Variants in LPIN1 observed in about 807,000 individuals in gnomAD.
The protein encoded by LPIN1 is phosphatidate phosphatase LPIN1.
A neutral mutation model predicts 107.5 loss-of-function variants in LPIN1; 71 were observed. The ratio of observed to expected loss-of-function variants is 0.66; its 90% CI spans 0.55 to 0.80. The LOEUF is 0.80. Among genes scored for constraint, LPIN1 ranks in the 30% least tolerant of loss-of-function variants. The probability of loss-of-function intolerance (pLI) is 0.00; values close to 1 mark genes in which losing one functional copy is unlikely to be tolerated. For missense variants in LPIN1, 1,043 were observed against 1,160.6 expected (o/e 0.90, Z 1.47); for synonymous variants, 445 against 452.6 (o/e 0.98, Z 0.21).
intron 1 of LPIN1, among the ~76,000 whole-genome samples, chr2:11,749,178 C>T (rs927210604): frequency 1.3e-5 from 2 of 152,166 alleles, no homozygotes; most frequent in African/African-American, 2.4e-5. Context: ...CGTTCAGTGA[C>T]GTCACAGGTT....
At chr2:11,696,349 A>G (rs956964419) in intron 1 of LPIN1, among the ~76,000 whole-genome samples, 12 of 152,050 alleles carry the variant, frequency 7.9e-5, no homozygotes, top group African/African-American at 1.4e-4. Context: ...GGTGCAGTTC[A>G]TGCCAGAATC....
At chr2:11,767,625 C>G in intron 2 of LPIN1, 138 bp from the exon 3 acceptor site, 1 of 711,282 alleles carries the variant, frequency 1.4e-6, no homozygotes, top group Non-Finnish European at 2.6e-6. Flanking sequence ...ATGGGACGGC[C>G]TGACTGAGAC....
intron 1 of LPIN1, chr2:11,713,640 G>T: frequency 1.6e-6 from 1 of 614,662 alleles, no homozygotes; most frequent in Non-Finnish European, 2.8e-6. Flanking sequence ...AATTCACCAT[G>T]TTCAAAATGT....
At chr2:11,715,190 C>T (rs142646360) in intron 2 of LPIN1, among the ~76,000 whole-genome samples, 25 of 152,304 alleles carry the variant, frequency 1.6e-4, no homozygotes, top group African/African-American at 5.1e-4. Flanking sequence ...GAGGCGGCCT[C>T]GGGCAGCTTC....
At chr2:11,710,776 T>C (rs1027987416) in intron 1 of LPIN1, among the ~76,000 whole-genome samples, 1 of 152,196 alleles carries the variant, frequency 6.6e-6, no homozygotes, top group Non-Finnish European at 1.5e-5. Context: ...AGGTTCATTT[T>C]TGGCTTCCAC....
In LPIN1 at chr2:11,826,854, C is replaced by T. The variant is rs756312135; in HGVS notation, c.*2063C>T. The T allele has an allele frequency of 1.3e-5, 2 of 152,302 alleles. No individual in the cohort carries two copies. Among genetic ancestry groups the T allele is most frequent in the Non-Finnish European group, 2.9e-5 (2 of 68,040 alleles). 9.4% of individuals were successfully genotyped at this position (152,302 alleles called of 1,614,324 possible). A position where few individuals can be genotyped will look rare whatever the true frequency, so the allele number is the denominator to read the frequency against. ...TGTACCTTAAACTTCCACATCACTG[C>T]ACCCTGAAACAGAGCATGCTTTCCA... On this transcript the variant is annotated 3_prime_UTR_variant, in exon 21 of 21. Coordinates refer to ENST00000674199, the MANE Select transcript of LPIN1 (RefSeq NM_001349206.2).
At chr2:11,752,929 G>A (rs1432622553) in intron 1 of LPIN1, among the ~76,000 whole-genome samples, 1 of 152,144 alleles carries the variant, frequency 6.6e-6, no homozygotes, top group Admixed American at 6.6e-5. Context: ...TAATCGTGAG[G>A]CAAGAAACCA....
rs375615756 is a variant in LPIN1 at position 11,824,691 on chromosome 2, C to T, written c.2681C>T (p.Ser894Phe). The change falls in exon 21 of 21, where the codon TCT becomes TTT. Residue 894 changes from serine (S) to phenylalanine (F), a missense_variant. Ser to Phe is a radical substitution (Grantham distance 155). Coordinates refer to ENST00000674199, the MANE Select transcript of LPIN1 (RefSeq NM_001349206.2). The part of the protein sequence containing the change: ...HVFPLLKRSH[S>F]SDFPCSDTFS... ...TTCCCGTTGCTGAAAAGAAGCCATT[C>T]TTCAGACTTTCCCTGTTCGGATACC... 8 of 1,614,136 alleles carry T rather than the reference C, an allele frequency of 5.0e-6. No individual in the cohort carries two copies. The highest frequency in any genetic ancestry group is 5.9e-6 in the Non-Finnish European group (7 of 1,180,026).
At chr2:11,702,102 T>C (rs1314764942) in intron 1 of LPIN1, among the ~76,000 whole-genome samples, 1 of 152,106 alleles carries the variant, frequency 6.6e-6, no homozygotes, top group East Asian at 1.9e-4. Flanking sequence ...AAGTTTGTGG[T>C]GCTCACGGGT....
At chr2:11,779,104 A>T (rs1170262641) in intron 6 of LPIN1, among the ~76,000 whole-genome samples, 1 of 152,252 alleles carries the variant, frequency 6.6e-6, no homozygotes, top group East Asian at 1.9e-4. Flanking sequence ...GCCCGAGCCA[A>T]CCAAGACCCT....
chr2:11,812,914 G>A (rs764169413), intron 17 of LPIN1, among the ~76,000 whole-genome samples: 7 of 151,858 alleles, frequency 4.6e-5, no homozygotes, highest in Non-Finnish European at 1.0e-4. Flanking sequence ...GGGTGGTGCC[G>A]AGGGTGGAGC....
At chr2:11,793,054 C>T (rs1356067112) in intron 13 of LPIN1, among the ~76,000 whole-genome samples, 1 of 152,194 alleles carries the variant, frequency 6.6e-6, no homozygotes, top group Non-Finnish European at 1.5e-5. Context: ...TACTCCACAT[C>T]CACTTATCAA....
At chr2:11,678,044 T>C (rs1005891534) in intron 1 of LPIN1, among the ~76,000 whole-genome samples, 2 of 152,208 alleles carry the variant, frequency 1.3e-5, no homozygotes, top group African/African-American at 4.8e-5. Context: ...GCTTCGTGAG[T>C]GCCTCCAGCC....
At chr2:11,780,041 C>T (rs998624484) in intron 7 of LPIN1, among the ~76,000 whole-genome samples, 3 of 152,076 alleles carry the variant, frequency 2.0e-5, no homozygotes, top group African/African-American at 7.2e-5. Context: ...CCACCACGCC[C>T]CACTAATTTT....
At chr2:11,794,145 A>G (rs1274171728) in intron 13 of LPIN1, among the ~76,000 whole-genome samples, 1 of 152,194 alleles carries the variant, frequency 6.6e-6, no homozygotes, top group East Asian at 1.9e-4. Flanking sequence ...CTAATCTCCA[A>G]AGGTTACCGA....
At position 11,795,284 on chromosome 2, in the gene LPIN1, G is replaced by A; in HGVS notation, c.1807-124G>A. The A allele has an allele frequency of 3.8e-6, 3 of 788,980 alleles. No homozygotes were observed. The Admixed American group carries it at 5.8e-5, about 15-fold the overall frequency. 48.9% of individuals were successfully genotyped at this position (788,980 alleles called of 1,614,324 possible). A position where few individuals can be genotyped will look rare whatever the true frequency, so the allele number is the denominator to read the frequency against. On this transcript the variant is annotated intron_variant, in intron 13 of 20. Coordinates refer to ENST00000674199, the MANE Select transcript of LPIN1 (RefSeq NM_001349206.2). ...GCCTCCTGGGCGATCGCTAGGGTGG[G>A]CGTCATTGGGGAATGGTCTATCTTT... is the stretch of plus-strand genomic sequence containing the variant.
chr2:11,693,412 G>C (rs910276534), intron 1 of LPIN1, among the ~76,000 whole-genome samples: 3 of 152,046 alleles, frequency 2.0e-5, no homozygotes, highest in Admixed American at 6.5e-5. Context: ...TCTAAATCTA[G>C]AGCCCTGCAC....
chr2:11,792,285 A>G, intron 13 of LPIN1: 1 of 338,174 alleles, frequency 3.0e-6, no homozygotes, highest in East Asian at 5.6e-5. Flanking sequence ...GTCATCTATA[A>G]AAGAAGGGAT....
At chr2:11,777,354 C>T (rs925144802) in intron 6 of LPIN1, 3 of 152,216 alleles carry the variant, frequency 2.0e-5, no homozygotes, top group African/African-American at 4.8e-5. Flanking sequence ...GGACTTGCAG[C>T]AGACTTTCTC....
Sources: gnomAD v4.1 joint callset for allele counts (sites outside exome capture counted in the v4.1 genomes callset) on GRCh38, gnomAD v4.1.1 for gene constraint, MANE v1.5 for transcripts, NCBI Gene and HGNC (gene_info 2026-07-23, HGNC 2026-07-21) for gene names.